The following RS1 variants were observed in gnomAD, a reference collection of about 807,000 sequenced individuals.
RS1 encodes the protein retinoschisin 1.
Under a neutral mutation model 20.8 loss-of-function variants are expected in RS1, and 2 were observed. The observed-to-expected ratio is 0.10, with a 90% CI of 0.04 to 0.30. The LOEUF (loss-of-function observed/expected upper bound fraction) is 0.30. Ranked by LOEUF, RS1 falls within the 10% of genes least tolerant of loss-of-function variation. The pLI, the probability that RS1 is intolerant of heterozygous loss-of-function variation, is 1.00. For missense variants in RS1, 151 were observed against 189.8 expected (o/e 0.80, Z 1.20); for synonymous variants, 70 against 75.8 (o/e 0.92, Z 0.40).
At chrX:18,653,829 G>C (rs747458902) in intron 3 of RS1, among the ~76,000 whole-genome samples, 1 of 109,970 alleles carries the variant, frequency 9.1e-6, no homozygotes, top group East Asian at 2.9e-4. Flanking sequence ...TTAGCTGGGC[G>C]TGGTGGTGTG....
In RS1 at chrX:18,666,617, G is replaced by C. The variant is rs757595013; in HGVS notation, c.52+5400C>G. Among the ~76,000 whole-genome samples, 12 of 111,683 alleles carry C rather than the reference G, an allele frequency of 1.1e-4. No individual in the cohort carries two copies. In the South Asian group the frequency reaches 4.1e-3, roughly 38 times the overall value. On this transcript the variant is annotated intron_variant, in intron 1 of 5. Transcript: ENST00000379984. ...TCCCTCTGGTACAATGTTGTGGACCGGGCTGGCCACGGCAAGTGTGGCAAC... is the reference window on the plus strand; with the variant it reads ...TCCCTCTGGTACAATGTTGTGGACCCGGCTGGCCACGGCAAGTGTGGCAAC...
At chrX:18,671,915 A>C in intron 1 of RS1, 102 bp downstream of exon 1, 1 of 725,912 alleles carries the variant, frequency 1.4e-6, no homozygotes, top group Non-Finnish European at 2.1e-6. Context: ...GTTGCTAATT[A>C]ATAATATTTA....
At chrX:18,663,444 G>A (rs1378121200) in intron 1 of RS1, among the ~76,000 whole-genome samples, 1 of 102,821 alleles carries the variant, frequency 9.7e-6, no homozygotes, top group Non-Finnish European at 1.9e-5. Context: ...CAGGGCTCAA[G>A]CCATCCTCTC....
At chrX:18,650,299 C>T in intron 3 of RS1, 1 of 692,211 alleles carries the variant, frequency 1.4e-6, no homozygotes, top group South Asian at 2.2e-5. Context: ...TACTTACTCC[C>T]CAGGGAAGGT....
rs56213978 is a variant in RS1 at position 18,655,986 on chromosome X, C to CTTT, written c.184+664_184+666dup. ...ATTTCTTTTCTTTTCTTTTCTTTTC[C>CTTT]TTTTTTTTTTTTTTTTTTTTTTTTG... On this transcript the variant is annotated intron_variant, in intron 3 of 5. Transcript: ENST00000379984. Among the ~76,000 whole-genome samples the CTTT allele has an allele frequency of 2.7e-3, 137 of 50,807 alleles. 1 individual carries two copies. Among genetic ancestry groups the CTTT allele is most frequent in the African/African-American group, 8.2e-3 (101 of 12,289 alleles). 44.1% of individuals were successfully genotyped at this position (50,807 alleles called of 115,157 possible).
Position 18,648,815 on chromosome X carries a change from T to C in RS1, c.185-1483A>G, listed in dbSNP as rs191780294. 2.0e-3 allele frequency among the ~76,000 whole-genome samples: 225 copies of C among 110,719 alleles called. 1 individual carries two copies. Among genetic ancestry groups the C allele is most frequent in the Non-Finnish European group, 3.5e-3 (186 of 52,880 alleles). On this transcript the variant is annotated intron_variant, in intron 3 of 5. Coordinates refer to ENST00000379984, the MANE Select transcript of RS1 (RefSeq NM_000330.4). The stretch of plus-strand genomic sequence containing the variant: ...GGCCGAGAGAACTGCAGAGGCTGAG[T>C]GCAGTGGCTCATGCCTGTAATCCCA...
intron 1 of RS1, among the ~76,000 whole-genome samples, chrX:18,664,695 A>G (rs890143320): frequency 1.8e-5 from 2 of 110,258 alleles, no homozygotes; most frequent in Admixed American, 1.9e-4. Flanking sequence ...CTTTATTATT[A>G]TTGTTGTTAT....
chrX:18,658,519 G>T (rs970486126), intron 1 of RS1, among the ~76,000 whole-genome samples: 1 of 109,698 alleles, frequency 9.1e-6, no homozygotes, highest in African/African-American at 3.3e-5. Flanking sequence ...ACAATGGCGC[G>T]ATCTCGGCTC....
intron 1 of RS1, among the ~76,000 whole-genome samples, chrX:18,667,645 A>G (rs1031600159): frequency 6.3e-5 from 7 of 110,600 alleles, no homozygotes; most frequent in African/African-American, 2.3e-4. Flanking sequence ...AACCAAATCC[A>G]CTTGGCTCAA....
intron 1 of RS1, among the ~76,000 whole-genome samples, chrX:18,667,546 C>CAAA (rs748540329): frequency 4.1e-5 from 2 of 48,787 alleles, no homozygotes; most frequent in South Asian, 1.1e-3. Flanking sequence ...GACTCTGTCT[C>CAAA]AAAAAAAAAA....
At chrX:18,649,285 G>C (rs372155863) in intron 3 of RS1, among the ~76,000 whole-genome samples, 2 of 111,219 alleles carry the variant, frequency 1.8e-5, no homozygotes, top group South Asian at 3.9e-4. Context: ...GCACAGGCTG[G>C]AGTGCTGTGG....
chrX:18,668,375 A>G (rs1351048902), intron 1 of RS1, among the ~76,000 whole-genome samples: 1 of 112,673 alleles, frequency 8.9e-6, no homozygotes, highest in Non-Finnish European at 1.9e-5. Flanking sequence ...CTTGCAACCC[A>G]TGAGGAAAGG....
chrX:18,669,842 T>G (rs1303264327), intron 1 of RS1, among the ~76,000 whole-genome samples: 1 of 112,353 alleles, frequency 8.9e-6, no homozygotes, highest in Non-Finnish European at 1.9e-5. Flanking sequence ...TGGCTATTTT[T>G]GGCTGGCTGC....
intron 3 of RS1, chrX:18,653,377 C>T: frequency 8.4e-7 from 1 of 1,195,525 alleles, no homozygotes; most frequent in Non-Finnish European, 1.1e-6. Context: ...CAGAGTGCAC[C>T]TGCTAGCGCT....
At chrX:18,658,492 G>A (rs1009672049) in intron 1 of RS1, among the ~76,000 whole-genome samples, 1 of 109,210 alleles carries the variant, frequency 9.2e-6, no homozygotes, top group Non-Finnish European at 1.9e-5. Flanking sequence ...TTTCACTCTT[G>A]TTGCCCAGGC....
At chrX:18,647,880 T>C (rs1927851830) in intron 3 of RS1, among the ~76,000 whole-genome samples, 1 of 100,369 alleles carries the variant, frequency 1.0e-5, no homozygotes, top group Admixed American at 1.0e-4. Context: ...TGCAGTTTTC[T>C]CACCAGTCTA....
chrX:18,665,767 C>A (rs1928395124), intron 1 of RS1, among the ~76,000 whole-genome samples: 2 of 107,522 alleles, frequency 1.9e-5, no homozygotes, highest in South Asian at 8.3e-4. Context: ...TGGCACACAC[C>A]TGTGATCCGA....
intron 5 of RS1, among the ~76,000 whole-genome samples, chrX:18,642,616 T>C (rs1445351088): frequency 8.9e-6 from 1 of 112,386 alleles, no homozygotes; most frequent in Non-Finnish European, 1.9e-5. Context: ...GTTCCAAAGG[T>C]ATCCAAAGTA....
At chrX:18,665,279 C>T (rs1340169505) in intron 1 of RS1, among the ~76,000 whole-genome samples, 1 of 112,410 alleles carries the variant, frequency 8.9e-6, no homozygotes, top group Non-Finnish European at 1.9e-5. Flanking sequence ...CACTCTCCTG[C>T]GCAAAACGCT....
Sources: allele counts gnomAD v4.1 joint callset (sites outside exome capture counted in the v4.1 genomes callset), GRCh38; gene constraint gnomAD v4.1.1; transcripts MANE v1.5; gene names NCBI Gene and HGNC (gene_info 2026-07-23, HGNC 2026-07-21).